The following NELL1 variants were observed in gnomAD, a reference collection of about 807,000 sequenced individuals.
NELL1 encodes the protein protein kinase C-binding protein NELL1.
A neutral mutation model predicts 107.4 loss-of-function variants in NELL1; 76 were observed. The observed-to-expected ratio is 0.71, with a 90% CI of 0.59 to 0.86. The LOEUF (loss-of-function observed/expected upper bound fraction) is 0.86. Among genes scored for constraint, NELL1 ranks in the 40% least tolerant of loss-of-function variants. NELL1 has a pLI of 0.00. For missense variants in NELL1, 1,024 were observed against 1,005.5 expected, an observed-to-expected ratio of 1.02 and a Z score of -0.25; for synonymous variants, 353 against 341.2, an observed-to-expected ratio of 1.03 and a Z score of -0.38.
intron 12 of NELL1, among the ~76,000 whole-genome samples, chr11:20,982,318 T>C (rs989092443): frequency 1.1e-4 from 17 of 152,290 alleles, no homozygotes; most frequent in African/African-American, 3.8e-4. Context: ...AGTGAGGGGA[T>C]AGTTTATGGG....
At chr11:21,028,555 A>G (rs115303019) in intron 12 of NELL1, among the ~76,000 whole-genome samples, 1 of 152,096 alleles carries the variant, frequency 6.6e-6, no homozygotes, top group African/African-American at 2.4e-5. Flanking sequence ...TTCCCCAAGA[A>G]TCTACTACAA....
intron 14 of NELL1, among the ~76,000 whole-genome samples, chr11:21,281,309 G>A (rs1848987718): frequency 6.6e-6 from 1 of 152,064 alleles, no homozygotes; most frequent in South Asian, 2.1e-4. Context: ...TGTGAGGTGA[G>A]GCTCCTCTGC....
chr11:21,154,719 T>G (rs745915247), intron 13 of NELL1, among the ~76,000 whole-genome samples: 1 of 152,110 alleles, frequency 6.6e-6, no homozygotes, highest in Non-Finnish European at 1.5e-5. Context: ...CTGGATTATG[T>G]AGGATGACAG....
At chr11:20,718,212 C>T (rs1246787984) in intron 2 of NELL1, among the ~76,000 whole-genome samples, 1 of 152,170 alleles carries the variant, frequency 6.6e-6, no homozygotes, top group Non-Finnish European at 1.5e-5. Flanking sequence ...TCTATAGCTA[C>T]ACTACCCAAT....
intron 13 of NELL1, among the ~76,000 whole-genome samples, chr11:21,179,018 C>T (rs1331626345): frequency 6.6e-6 from 1 of 151,678 alleles, no homozygotes; most frequent in Non-Finnish European, 1.5e-5. Flanking sequence ...ATTACTGGCA[C>T]TTAAAAAACT....
chr11:21,189,475 A>G (rs1390827108), intron 13 of NELL1, among the ~76,000 whole-genome samples: 1 of 151,840 alleles, frequency 6.6e-6, no homozygotes, highest in Non-Finnish European at 1.5e-5. Context: ...GCACTGTACT[A>G]AATATAAAAA....
intron 14 of NELL1, chr11:21,284,660 A>C: frequency 2.6e-6 from 1 of 386,752 alleles, no homozygotes; most frequent in South Asian, 1.9e-5. Context: ...TTGGTGGGGC[A>C]GGCCTTGTGC....
intron 16 of NELL1, among the ~76,000 whole-genome samples, chr11:21,557,030 G>A (rs1267895118): frequency 6.6e-6 from 1 of 151,966 alleles, no homozygotes; most frequent in Non-Finnish European, 1.5e-5. Context: ...TAAATAGGGT[G>A]CCTCTTCCCG....
chr11:21,369,935 T>A (rs1851319891), intron 14 of NELL1, among the ~76,000 whole-genome samples: 1 of 152,120 alleles, frequency 6.6e-6, no homozygotes, highest in Non-Finnish European at 1.5e-5. Flanking sequence ...GTTTTGAGCA[T>A]CTGCTATGTG....
chr11:21,293,772 C>G (rs1365633845), intron 14 of NELL1, among the ~76,000 whole-genome samples: 1 of 152,066 alleles, frequency 6.6e-6, no homozygotes, highest in Non-Finnish European at 1.5e-5. Context: ...GGGTTCATGT[C>G]CTTTGCCAGG....
At chr11:21,010,996 C>T (rs1477019713) in intron 12 of NELL1, among the ~76,000 whole-genome samples, 1 of 152,142 alleles carries the variant, frequency 6.6e-6, no homozygotes, top group African/African-American at 2.4e-5. Context: ...CTTGAAATTA[C>T]TCCCAAATCA....
At chr11:21,536,137 C>T (rs912511741) in intron 16 of NELL1, among the ~76,000 whole-genome samples, 1 of 152,066 alleles carries the variant, frequency 6.6e-6, no homozygotes, top group African/African-American at 2.4e-5. Context: ...TCAAGGGATT[C>T]ATGTGCAGGT....
At chr11:21,021,089 A>G (rs1852689638) in intron 12 of NELL1, among the ~76,000 whole-genome samples, 1 of 151,380 alleles carries the variant, frequency 6.6e-6, no homozygotes, top group Non-Finnish European at 1.5e-5. Context: ...GACTTTCACA[A>G]CTACCAAATG....
At position 21,358,470 on chromosome 11, in the gene NELL1, G is replaced by A. The variant is rs764442631; in HGVS notation, c.1550-12383G>A. 8.6e-5 allele frequency among the ~76,000 whole-genome samples: 13 copies of A among 151,578 alleles called. No homozygotes were observed. The East Asian group carries it at 1.6e-3, about 18-fold the overall frequency. ...GCTGGAGTGCAGTGGCATGATCTCC[G>A]CTCACTGCAACCTCTGCTCCCAGGT... is the stretch of plus-strand genomic sequence containing the variant. On this transcript the variant is annotated intron_variant, in intron 14 of 19. Transcript: ENST00000357134.
intron 13 of NELL1, among the ~76,000 whole-genome samples, chr11:21,181,391 A>G (rs1420068882): frequency 6.7e-6 from 1 of 149,636 alleles, no homozygotes; most frequent in Non-Finnish European, 1.5e-5. Context: ...ATATTTATTG[A>G]AAGGAGAAAA....
At chr11:21,377,657 T>A (rs1241198710) in intron 15 of NELL1, among the ~76,000 whole-genome samples, 1 of 152,064 alleles carries the variant, frequency 6.6e-6, no homozygotes, top group Non-Finnish European at 1.5e-5. Flanking sequence ...TGACTGTGAA[T>A]CCATCTGGTC....
intron 14 of NELL1, among the ~76,000 whole-genome samples, chr11:21,256,473 T>G (rs1858771045): frequency 6.6e-6 from 1 of 152,022 alleles, no homozygotes; most frequent in African/African-American, 2.4e-5. Context: ...GCACTGGCAT[T>G]TTTCTTTGGC....
chr11:21,430,515 A>T (rs1373803396), intron 15 of NELL1, among the ~76,000 whole-genome samples: 2 of 152,196 alleles, frequency 1.3e-5, no homozygotes, highest in African/African-American at 4.8e-5. Flanking sequence ...TAATTTTTAT[A>T]ATTCAGCACT....
At chr11:21,383,870 A>C (rs1027898289) in intron 15 of NELL1, 2 of 151,822 alleles carry the variant, frequency 1.3e-5, no homozygotes, top group African/African-American at 2.4e-5. Flanking sequence ...TCTCAAGATC[A>C]GACAAGATCG....
Sources: allele counts gnomAD v4.1 joint callset (sites outside exome capture counted in the v4.1 genomes callset), GRCh38; gene constraint gnomAD v4.1.1; transcripts MANE v1.5; gene names NCBI Gene and HGNC (gene_info 2026-07-23, HGNC 2026-07-21).